MAP2K6: variants seen among roughly 807,000 people sequenced by gnomAD.
MAP2K6 encodes dual specificity mitogen-activated protein kinase kinase 6.
In MAP2K6, 16 loss-of-function variants were observed where a neutral mutation model predicts 53.7. The observed-to-expected ratio is 0.30, with a 90% CI of 0.20 to 0.45. The LOEUF (loss-of-function observed/expected upper bound fraction) is 0.45, where lower values mean the gene tolerates loss of function less well. Ranked by LOEUF, MAP2K6 falls within the 20% of genes least tolerant of loss-of-function variation. The probability of loss-of-function intolerance (pLI) is 1.00; values close to 1 mark genes in which losing one functional copy is unlikely to be tolerated. For synonymous variants in MAP2K6, 132 were observed against 143.1 expected, an observed-to-expected ratio of 0.92 and a Z score of 0.55; for missense variants, 204 against 411.9, an observed-to-expected ratio of 0.50 and a Z score of 4.37.
At chr17:69,504,972 A>C (rs949402401) in intron 1 of MAP2K6, among the ~76,000 whole-genome samples, 1 of 152,190 alleles carries the variant, frequency 6.6e-6, no homozygotes, top group African/African-American at 2.4e-5. Flanking sequence ...ACAGTGGAAA[A>C]GCATTTTTTA....
chr17:69,474,515 C>A (rs1908074877), intron 1 of MAP2K6, among the ~76,000 whole-genome samples: 1 of 152,204 alleles, frequency 6.6e-6, no homozygotes, highest in Admixed American at 6.5e-5. Context: ...GTAAGAGCCA[C>A]ACCCAAAAGC....
At position 69,548,084 on chromosome 17, in the gene MAP2K6, T is replaced by G. The variant is rs1911945774; in HGVS notation, c.*6331T>G. The G allele has an allele frequency of 6.6e-6, 1 of 152,156 alleles. No homozygotes were observed. 9.4% of individuals were successfully genotyped at this position (152,156 alleles called of 1,614,324 possible). On this transcript the variant is annotated 3_prime_UTR_variant, in exon 12 of 12. Transcript: ENST00000590474. ...AAAGAGTAGTTTGAAGTCACAAAATTTGTTCTCAGGTGTTCTTAAAGCTCC... is the reference window on the plus strand; with the variant it reads ...AAAGAGTAGTTTGAAGTCACAAAATGTGTTCTCAGGTGTTCTTAAAGCTCC...
chr17:69,507,929 A>G (rs1909597671), intron 2 of MAP2K6, among the ~76,000 whole-genome samples: 1 of 149,932 alleles, frequency 6.7e-6, no homozygotes, highest in African/African-American at 2.5e-5. Context: ...GTACCATTTT[A>G]TGTTCTCAGC....
rs1314156911 is a variant in MAP2K6, at chr17:69,548,802, T to A, written c.*7049T>A. On this transcript the variant is annotated 3_prime_UTR_variant, in exon 12 of 12. Coordinates refer to ENST00000590474, the MANE Select transcript of MAP2K6 (RefSeq NM_002758.4). Reference sequence around the variant, plus strand: ...TTACAGCTATGCAAATATTGTACTATTACAGATTTTTCTAATGAAGTAGTT... The same window carrying A: ...TTACAGCTATGCAAATATTGTACTAATACAGATTTTTCTAATGAAGTAGTT... 2 of 152,194 alleles carry A rather than the reference T, an allele frequency of 1.3e-5. No individual in the cohort carries two copies. The highest frequency in any genetic ancestry group is 4.8e-5 in the African/African-American group (2 of 41,450). The allele number at this position is 152,194 out of a possible 1,614,324, so 9.4% of individuals were successfully genotyped here.
chr17:69,547,791 G>A lies in MAP2K6; in HGVS notation c.*6038G>A, dbSNP rs1825077943. 6.6e-6 allele frequency: 1 copy of A among 152,156 alleles called. No homozygotes were observed. Among genetic ancestry groups the A allele is most frequent in the Non-Finnish European group, 1.5e-5 (1 of 68,012 alleles). 9.4% of individuals were successfully genotyped at this position (152,156 alleles called of 1,614,324 possible). Reference sequence around the variant, plus strand: ...TCACCAACATAATTTACTTCAATTTGGAAATAAATGTCACAGTTCTCTTAG... The same window carrying A: ...TCACCAACATAATTTACTTCAATTTAGAAATAAATGTCACAGTTCTCTTAG... On this transcript the variant is annotated 3_prime_UTR_variant, in exon 12 of 12. Coordinates refer to ENST00000590474, the MANE Select transcript of MAP2K6 (RefSeq NM_002758.4).
intron 1 of MAP2K6, among the ~76,000 whole-genome samples, chr17:69,427,903 C>T (rs532843727): frequency 6.6e-6 from 1 of 152,200 alleles, no homozygotes; most frequent in South Asian, 2.1e-4. Context: ...TTGATATATT[C>T]AGTCTGGAAT....
At chr17:69,526,400 G>A (rs1910771152) in intron 9 of MAP2K6, among the ~76,000 whole-genome samples, 170 bp from the exon 10 acceptor site, 2 of 152,134 alleles carry the variant, frequency 1.3e-5, no homozygotes, top group South Asian at 4.1e-4. Flanking sequence ...AGGAATTTGG[G>A]GAAAATTGCT....
chr17:69,447,367 A>G (rs538665714), intron 1 of MAP2K6, among the ~76,000 whole-genome samples: 9 of 151,732 alleles, frequency 5.9e-5, no homozygotes, highest in Non-Finnish European at 8.8e-5. Context: ...TATTTTTGAG[A>G]TGGAGTCTTG....
At chr17:69,415,455 T>C (rs749431877) in intron 1 of MAP2K6, among the ~76,000 whole-genome samples, 10 of 152,236 alleles carry the variant, frequency 6.6e-5, no homozygotes, top group Non-Finnish European at 1.3e-4. Flanking sequence ...TTATATTCTT[T>C]GGGGGAAATA....
At chr17:69,456,229 G>GA (rs1465615990) in intron 1 of MAP2K6, among the ~76,000 whole-genome samples, 1 of 152,144 alleles carries the variant, frequency 6.6e-6, no homozygotes, top group Non-Finnish European at 1.5e-5. Context: ...CTGTTTAGTG[G>GA]ACCTTCTAGG....
chr17:69,516,819 G>T, intron 2 of MAP2K6, 36 bp from the exon 3 acceptor site: 1 of 1,482,764 alleles, frequency 6.7e-7, no homozygotes, highest in Non-Finnish European at 9.4e-7. Flanking sequence ...TGACTCAATA[G>T]CTTATGTTTC....
At chr17:69,531,304 A>G (rs1427311390) in intron 10 of MAP2K6, among the ~76,000 whole-genome samples, 2 of 152,326 alleles carry the variant, frequency 1.3e-5, no homozygotes, top group Middle Eastern at 3.4e-3. Flanking sequence ...AGTATTTGTG[A>G]ACTTGTGTAT....
intron 10 of MAP2K6, among the ~76,000 whole-genome samples, chr17:69,535,910 A>G (rs1227287254): frequency 6.6e-6 from 1 of 151,054 alleles, no homozygotes; most frequent in Non-Finnish European, 1.5e-5. Context: ...ACACACACAC[A>G]ACTATTTTTC....
chr17:69,491,768 A>T (rs1488224938), intron 1 of MAP2K6, among the ~76,000 whole-genome samples: 7 of 119,070 alleles, frequency 5.9e-5, no homozygotes, highest in South Asian at 2.7e-4. Flanking sequence ...ACTTTTGAAT[A>T]ATAGACTTTC....
chr17:69,466,976 TTC>T (rs1212923675), intron 1 of MAP2K6, among the ~76,000 whole-genome samples: 1 of 152,192 alleles, frequency 6.6e-6, no homozygotes, highest in Non-Finnish European at 1.5e-5. Flanking sequence ...ATTATGGTGG[TTC>T]TACCATGAAA....
intron 1 of MAP2K6, among the ~76,000 whole-genome samples, chr17:69,465,299 C>T (rs1907758764): frequency 6.6e-6 from 1 of 151,884 alleles, no homozygotes; most frequent in Non-Finnish European, 1.5e-5. Flanking sequence ...TATTACTATG[C>T]TCTATAAATC....
intron 1 of MAP2K6, among the ~76,000 whole-genome samples, chr17:69,483,628 G>A (rs1598283769): frequency 6.6e-6 from 1 of 151,952 alleles, no homozygotes; most frequent in Admixed American, 6.6e-5. Context: ...TAATTTAAAG[G>A]CCTCAGAATA....
At chr17:69,415,084 G>A (rs1905855669) in intron 1 of MAP2K6, 84 bp downstream of exon 1, 2 of 1,349,758 alleles carry the variant, frequency 1.5e-6, no homozygotes, top group African/African-American at 1.5e-5. Context: ...TTCGCCTGGC[G>A]AGTGCATTTT....
intron 1 of MAP2K6, chr17:69,501,643 A>T (rs1387065873): frequency 5.3e-5 from 8 of 152,164 alleles, no homozygotes; most frequent in African/African-American, 1.9e-4. Flanking sequence ...CATGCGGGTA[A>T]CAGGGTCTGA....
Sources: gnomAD v4.1 joint callset for allele counts (sites outside exome capture counted in the v4.1 genomes callset) on GRCh38, gnomAD v4.1.1 for gene constraint, MANE v1.5 for transcripts, NCBI Gene and HGNC (gene_info 2026-07-23, HGNC 2026-07-21) for gene names.